Variants in PARD3B observed in about 807,000 individuals in gnomAD.
PARD3B encodes partitioning defective 3 homolog B.
Under a neutral mutation model 130.2 loss-of-function variants are expected in PARD3B, and 103 were observed. The observed-to-expected ratio is 0.79, with a 90% CI of 0.67 to 0.93. The LOEUF (loss-of-function observed/expected upper bound fraction) is 0.93. Among genes scored for constraint, PARD3B ranks in the 40% least tolerant of loss-of-function variants. PARD3B has a pLI of 0.00. For synonymous variants in PARD3B, 583 were observed against 553.2 expected (o/e 1.05, Z -0.76); for missense variants, 1,609 against 1,499.2 (o/e 1.07, Z -1.21).
intron 2 of PARD3B, among the ~76,000 whole-genome samples, chr2:204,756,224 CT>C (rs1170690416): frequency 1.3e-5 from 2 of 152,040 alleles, no homozygotes; most frequent in Non-Finnish European, 2.9e-5. Flanking sequence ...ATAAAAACAT[CT>C]TTTTATGGAC....
intron 19 of PARD3B, among the ~76,000 whole-genome samples, chr2:205,412,710 C>A (rs1376358534): frequency 6.6e-6 from 1 of 152,186 alleles, no homozygotes; most frequent in Admixed American, 6.6e-5. Context: ...GAGATTAACA[C>A]TTTCCAATCA....
chr2:205,507,194 G>GTA (rs1559158658), intron 21 of PARD3B, among the ~76,000 whole-genome samples: 29 of 25,334 alleles, frequency 1.1e-3, no homozygotes, highest in Non-Finnish European at 2.5e-3. Flanking sequence ...GACAGGTGCA[G>GTA]TATTTTTTTT....
At chr2:204,607,496 A>T (rs1055522508) in intron 1 of PARD3B, among the ~76,000 whole-genome samples, 1 of 152,210 alleles carries the variant, frequency 6.6e-6, no homozygotes, top group African/African-American at 2.4e-5. Context: ...AAACTTGTTA[A>T]GTTGCCAACA....
At chr2:205,606,429 A>T (rs1349238725) in intron 22 of PARD3B, among the ~76,000 whole-genome samples, 4 of 152,060 alleles carry the variant, frequency 2.6e-5, no homozygotes, top group Admixed American at 6.5e-5. Flanking sequence ...TCCATGGGTC[A>T]TGCCACCCAC....
At chr2:205,207,501 A>T (rs866646191) in intron 15 of PARD3B, among the ~76,000 whole-genome samples, 2 of 144,686 alleles carry the variant, frequency 1.4e-5, no homozygotes, top group South Asian at 2.2e-4. Context: ...AGAGAGATGA[A>T]TCAAATAGAT....
In PARD3B at chr2:204,624,590, A is replaced by G. The variant is rs78711447; in HGVS notation, c.121-61591A>G. ...TCTTCTAATTGTTGAGTAGTGTTCC[A>G]TGGTGTGGATATACTCTAGTTTGTT... On this transcript the variant is annotated intron_variant, in intron 1 of 22. Coordinates refer to ENST00000406610, the MANE Select transcript of PARD3B (RefSeq NM_001302769.2). Among the ~76,000 whole-genome samples the G allele has an allele frequency of 9.2e-3, 1,401 of 152,298 alleles. 26 individuals carry two copies. Among genetic ancestry groups the G allele is most frequent in the African/African-American group, 0.032 (1,339 of 41,572 alleles).
intron 15 of PARD3B, among the ~76,000 whole-genome samples, chr2:205,199,639 G>A (rs1019860897): frequency 1.2e-4 from 18 of 152,084 alleles, no homozygotes; most frequent in South Asian, 2.1e-4. Context: ...GAAAGTGTGC[G>A]AGGTGGCCCA....
chr2:204,673,443 C>A lies in PARD3B; in HGVS notation c.121-12738C>A, dbSNP rs1383763135. 6.6e-6 allele frequency among the ~76,000 whole-genome samples: 1 copy of A among 152,182 alleles called. No individual in the cohort carries two copies. Among genetic ancestry groups the A allele is most frequent in the African/African-American group, 2.4e-5 (1 of 41,440 alleles). ...CTACCACTTGGTGTTTTTGCATCTC[C>A]ACCAAGTTTATTCAACCTGACAAGC... On this transcript the variant is annotated intron_variant, in intron 1 of 22. Transcript: ENST00000406610. This position sits in a 1 kb window ranked among gnomAD's most constrained non-coding sequence, Gnocchi z 4.7.
At position 205,078,117 on chromosome 2, in the gene PARD3B, G is replaced by T. The variant is rs538983507; in HGVS notation, c.505-26309G>T. ...TATAACATGCATGGCTTTCCAAAAA[G>T]GTGATTTATGTAATTAAGAGTGAGA... On this transcript the variant is annotated intron_variant, in intron 4 of 22. Transcript: ENST00000406610. The surrounding 1 kb of genome is among the most constrained non-coding windows in gnomAD (Gnocchi z 4.0). Among the ~76,000 whole-genome samples, 1 of 152,244 alleles carries T rather than the reference G, an allele frequency of 6.6e-6. No individual in the cohort carries two copies. Among genetic ancestry groups the T allele is most frequent in the African/African-American group, 2.4e-5 (1 of 41,544 alleles).
At chr2:204,991,778 G>T (rs1449630678) in intron 3 of PARD3B, among the ~76,000 whole-genome samples, 1 of 151,858 alleles carries the variant, frequency 6.6e-6, no homozygotes, top group Non-Finnish European at 1.5e-5. Flanking sequence ...TCTAACTGGT[G>T]TGAGATGGTA....
intron 2 of PARD3B, among the ~76,000 whole-genome samples, chr2:204,730,839 C>T (rs2039480504): frequency 6.6e-6 from 1 of 152,172 alleles, no homozygotes; most frequent in Admixed American, 6.5e-5. Context: ...TTTATCTGTG[C>T]CATCTGGTGC....
At chr2:205,080,755 G>A (rs1701357276) in intron 4 of PARD3B, among the ~76,000 whole-genome samples, 1 of 152,114 alleles carries the variant, frequency 6.6e-6, no homozygotes, top group South Asian at 2.1e-4. Flanking sequence ...AGCAGTATGA[G>A]ACAGTAGGAA....
intron 22 of PARD3B, among the ~76,000 whole-genome samples, chr2:205,587,334 T>C (rs1214296263): frequency 6.6e-6 from 1 of 152,186 alleles, no homozygotes; most frequent in African/African-American, 2.4e-5. Flanking sequence ...AGCTACTTAA[T>C]GGAAAAGGAT....
chr2:204,796,834 G>A (rs182264548), intron 2 of PARD3B, among the ~76,000 whole-genome samples: 1 of 152,184 alleles, frequency 6.6e-6, no homozygotes, highest in African/African-American at 2.4e-5. Flanking sequence ...TATGCCTCTG[G>A]CTATGCTAAA....
chr2:205,427,669 A>G (rs1288648579), intron 19 of PARD3B, among the ~76,000 whole-genome samples: 2 of 152,188 alleles, frequency 1.3e-5, no homozygotes, highest in East Asian at 3.8e-4. Context: ...GCTATATATT[A>G]TATTTTGCTA....
At chr2:205,048,928 C>T (rs990204055) in intron 4 of PARD3B, among the ~76,000 whole-genome samples, 12 of 152,100 alleles carry the variant, frequency 7.9e-5, no homozygotes, top group East Asian at 1.9e-4. Flanking sequence ...TTTTAATGTA[C>T]GTACAAACAA....
intron 2 of PARD3B, among the ~76,000 whole-genome samples, chr2:204,758,854 C>T (rs1422605890): frequency 6.6e-6 from 1 of 152,166 alleles, no homozygotes; most frequent in African/African-American, 2.4e-5. Flanking sequence ...TATTTCTCCC[C>T]TTAGAACCCT....
chr2:205,079,016 C>T (rs541862284), intron 4 of PARD3B, among the ~76,000 whole-genome samples: 3 of 152,310 alleles, frequency 2.0e-5, no homozygotes, highest in Admixed American at 2.0e-4. Flanking sequence ...TGAGAGACCC[C>T]AAGCGAGGGC....
At chr2:204,980,607 G>GA (rs1692578301) in intron 3 of PARD3B, among the ~76,000 whole-genome samples, 1 of 152,164 alleles carries the variant, frequency 6.6e-6, no homozygotes, top group African/African-American at 2.4e-5. Flanking sequence ...CATGTAGTCT[G>GA]AAAATGATGT....
Sources: allele counts gnomAD v4.1 joint callset (sites outside exome capture counted in the v4.1 genomes callset), GRCh38; gene constraint gnomAD v4.1.1; non-coding constraint Gnocchi (gnomAD v3.1); transcripts MANE v1.5; gene names NCBI Gene and HGNC (gene_info 2026-07-23, HGNC 2026-07-21).